The following PXDN variants were observed in gnomAD, a reference collection of about 807,000 sequenced individuals.
The protein encoded by PXDN is peroxidasin.
A neutral mutation model predicts 140.3 loss-of-function variants in PXDN; 77 were observed. The ratio of observed to expected loss-of-function variants is 0.55; its 90% CI spans 0.46 to 0.66. PXDN has a LOEUF of 0.66. Among genes scored for constraint, PXDN ranks in the 30% least tolerant of loss-of-function variants. PXDN has a pLI of 0.00. For synonymous variants in PXDN, 911 were observed against 857.4 expected (o/e 1.06, Z -1.09); for missense variants, 1,838 against 2,039.5 (o/e 0.90, Z 1.90).
chr2:1,724,688 T>C (rs980363990), intron 1 of PXDN, among the ~76,000 whole-genome samples: 2 of 152,230 alleles, frequency 1.3e-5, no homozygotes, highest in African/African-American at 4.8e-5. Flanking sequence ...AGTTCATTTC[T>C]GGGCTCTGTA....
chr2:1,684,040 G>A (rs748577028), intron 5 of PXDN, 40 bp downstream of exon 5: 3 of 1,524,634 alleles, frequency 2.0e-6, no homozygotes, highest in South Asian at 2.4e-5. Context: ...TGAGGCTTGG[G>A]CTCTGTGAAT....
intron 19 of PXDN, among the ~76,000 whole-genome samples, chr2:1,641,063 T>C (rs909790874): frequency 6.6e-6 from 1 of 152,228 alleles, no homozygotes; most frequent in Non-Finnish European, 1.5e-5. Flanking sequence ...CCAGACCTAG[T>C]GCAGACCCCA....
intron 4 of PXDN, among the ~76,000 whole-genome samples, chr2:1,686,932 ACAAATTGCAGCTCCT>A (rs1034412214): frequency 2.0e-5 from 3 of 152,216 alleles, no homozygotes; most frequent in African/African-American, 7.2e-5. Flanking sequence ...TAAAACCGTG[ACAAATTGCAGCTCCT>A]CAGGAATGGG....
At chr2:1,741,122 G>GCCTC (rs1685534065) in intron 1 of PXDN, among the ~76,000 whole-genome samples, 1 of 152,156 alleles carries the variant, frequency 6.6e-6, no homozygotes, top group Non-Finnish European at 1.5e-5. Flanking sequence ...GGCGTGGAGG[G>GCCTC]CCTAGCTCCA....
At chr2:1,667,139 G>A (rs1683462811) in intron 9 of PXDN, among the ~76,000 whole-genome samples, 1 of 152,036 alleles carries the variant, frequency 6.6e-6, no homozygotes, top group South Asian at 2.1e-4. Flanking sequence ...AAAGCCAGCA[G>A]AAGACAAGAA....
chr2:1,677,601 TTCCGAGGGCCA>T (rs1390640693), intron 7 of PXDN, among the ~76,000 whole-genome samples: 1 of 152,064 alleles, frequency 6.6e-6, no homozygotes, highest in Non-Finnish European at 1.5e-5. Flanking sequence ...TCCACATGGC[TTCCGAGGGCCA>T]TCCGAGGGCC....
chr2:1,670,217 G>GA (rs988875372), intron 9 of PXDN, among the ~76,000 whole-genome samples: 2 of 152,144 alleles, frequency 1.3e-5, no homozygotes, highest in South Asian at 4.2e-4. Flanking sequence ...TAAAGATTTG[G>GA]AAAAAAATCT....
At chr2:1,729,861 A>T (rs1572200334) in intron 1 of PXDN, among the ~76,000 whole-genome samples, 1 of 152,364 alleles carries the variant, frequency 6.6e-6, no homozygotes, top group South Asian at 2.1e-4. Context: ...AAATTCTGTT[A>T]GGCAGATTTG....
intron 14 of PXDN, among the ~76,000 whole-genome samples, chr2:1,658,841 C>T (rs946923245): frequency 1.3e-5 from 2 of 151,190 alleles, no homozygotes; most frequent in South Asian, 2.1e-4. Flanking sequence ...CCCATCTCCC[C>T]GCGGCTCCCT....
rs559183203 is a variant in PXDN at position 1,702,268 on chromosome 2, C to T, written c.201-9134G>A. On this transcript the variant is annotated intron_variant, in intron 1 of 22. Coordinates refer to ENST00000252804, the MANE Select transcript of PXDN (RefSeq NM_012293.3). ...GCTTCCAGGCAACGGGAATTGGGGT[C>T]CTGCCCATCCTCTCCCCCTGCCAGG... 5.3e-5 allele frequency among the ~76,000 whole-genome samples: 8 copies of T among 152,282 alleles called. No individual in the cohort carries two copies. The East Asian group carries it at 1.6e-3, about 30-fold the overall frequency.
chr2:1,665,241 C>G lies in PXDN; in HGVS notation c.1292-167G>C, dbSNP rs546394063. 5.9e-5 allele frequency among the ~76,000 whole-genome samples: 9 copies of G among 152,196 alleles called. 1 individual carries two copies. Among genetic ancestry groups the G allele is most frequent in the African/African-American group, 2.2e-4 (9 of 41,524 alleles). On this transcript the variant is annotated intron_variant, in intron 10 of 22. Coordinates refer to ENST00000252804, the MANE Select transcript of PXDN (RefSeq NM_012293.3). ...GGCACAGGAGAAGATGGGAGCAGAA[C>G]GGAAAGAAGATGAAGGATGGGTGTG...
chr2:1,655,082 CT>C (rs1263402596), intron 14 of PXDN, among the ~76,000 whole-genome samples: 1 of 150,622 alleles, frequency 6.6e-6, no homozygotes, highest in African/African-American at 2.4e-5. Flanking sequence ...CACACACCAC[CT>C]ACATAGAACA....
At chr2:1,668,087 G>A (rs1390041945) in intron 9 of PXDN, among the ~76,000 whole-genome samples, 1 of 152,108 alleles carries the variant, frequency 6.6e-6, no homozygotes, top group Non-Finnish European at 1.5e-5. Context: ...CAACACGATA[G>A]TGCTACCGAA....
intron 6 of PXDN, 126 bp from the exon 7 acceptor site, chr2:1,680,488 G>C (rs1683872321): frequency 1.7e-6 from 2 of 1,161,776 alleles, no homozygotes; most frequent in African/African-American, 3.0e-5. Flanking sequence ...TGCGACATGG[G>C]GATGGGACAC....
chr2:1,680,050 CTG>C, intron 7 of PXDN, 141 bp downstream of exon 7: 1 of 1,054,504 alleles, frequency 9.5e-7, no homozygotes, highest in African/African-American at 1.7e-5. Flanking sequence ...TGGTTTGTGT[CTG>C]CGCGTGTGTC....
At position 1,663,771 on chromosome 2, in the gene PXDN, G is replaced by T. The variant is rs766391316; in HGVS notation, c.1409-8C>A. 1.9e-6 allele frequency: 3 copies of T among 1,611,164 alleles called. No homozygotes were observed. The South Asian group carries it at 3.3e-5, about 18-fold the overall frequency. On this transcript the variant is annotated splice_polypyrimidine_tract_variant and splice_region_variant and intron_variant, in intron 11 of 22. Coordinates refer to ENST00000252804, the MANE Select transcript of PXDN (RefSeq NM_012293.3). ...CCACGGAGAGCTGGCTCCCTGCAAGGGCATGGGCCCGTTACACTGGACACT... is the reference window on the plus strand; with the variant it reads ...CCACGGAGAGCTGGCTCCCTGCAAGTGCATGGGCCCGTTACACTGGACACT...
chr2:1,638,935 A>G lies in PXDN; in HGVS notation c.4117T>C (p.Phe1373Leu). 6.2e-7 allele frequency: 1 copy of G among 1,613,986 alleles called. No individual in the cohort carries two copies. Among genetic ancestry groups the G allele is most frequent in the Non-Finnish European group, 8.5e-7 (1 of 1,179,872 alleles). ...CCAGATGCATCTGAGCGTGTGCTGA[A>G]GGCTGAGGTGCTGTTGCTGAGATGT... ...GEHLSNSTSA[F>L]STRSDASGTN... is the part of the protein sequence containing the mutation. Residue 1373 changes from phenylalanine to leucine, a missense_variant, in exon 21 of 23, where the codon TTC (phenylalanine) becomes CTC (leucine). Phe to Leu is a conservative substitution (Grantham distance 22). Around this residue, in one of 5 missense-constraint regions of PXDN, gnomAD observed 850 missense variants for 894.1 expected, o/e 0.95. Transcript: ENST00000252804.
intron 1 of PXDN, among the ~76,000 whole-genome samples, chr2:1,729,731 C>T (rs1333482982): frequency 1.3e-5 from 2 of 152,160 alleles, no homozygotes; most frequent in Non-Finnish European, 2.9e-5. Flanking sequence ...AAAAAGATTT[C>T]TCTAGAAATG....
chr2:1,716,449 A>AC (rs1341330642), intron 1 of PXDN, among the ~76,000 whole-genome samples: 1 of 118,382 alleles, frequency 8.4e-6, no homozygotes, highest in Non-Finnish European at 1.6e-5. Flanking sequence ...GGAAAAAAAA[A>AC]AAAAAAAAAA....
Sources: allele counts gnomAD v4.1 joint callset (sites outside exome capture counted in the v4.1 genomes callset), GRCh38; gene constraint gnomAD v4.1.1; regional missense constraint gnomAD v4.1.1; transcripts MANE v1.5; gene names NCBI Gene and HGNC (gene_info 2026-07-23, HGNC 2026-07-21).